CHI3L1: variants seen among roughly 807,000 people sequenced by gnomAD.
CHI3L1 encodes chitinase 3 like 1.
In CHI3L1, 30 loss-of-function variants were observed where a neutral mutation model predicts 40.7. The ratio of observed to expected loss-of-function variants is 0.74; its 90% CI spans 0.55 to 1.00. CHI3L1 has a LOEUF of 1.00. Among genes scored for constraint, CHI3L1 ranks in the 50% least tolerant of loss-of-function variants. CHI3L1 has a pLI of 0.00. For missense variants in CHI3L1, 493 were observed against 492.2 expected (o/e 1.00, Z -0.01); for synonymous variants, 210 against 192.1 (o/e 1.09, Z -0.77).
chr1:203,180,975 C>T lies in CHI3L1; in HGVS notation c.711+187G>A, dbSNP rs573199427. Among the ~76,000 whole-genome samples, 4 of 152,318 alleles carry T rather than the reference C, an allele frequency of 2.6e-5. No homozygotes were observed. The South Asian group carries it at 8.3e-4, about 32-fold the overall frequency. On this transcript the variant is annotated intron_variant, in intron 7 of 9. Coordinates refer to ENST00000255409, the MANE Select transcript of CHI3L1 (RefSeq NM_001276.4). ...CCCTGCCCTCACTCCATTTACCCTGCAGATCACCTTCCCAGAGCAACGCAG... is the reference window on the plus strand; with the variant it reads ...CCCTGCCCTCACTCCATTTACCCTGTAGATCACCTTCCCAGAGCAACGCAG...
chr1:203,180,625 GCCTCAACATGTA>G lies in CHI3L1; in HGVS notation c.727_738del (p.Tyr243_Arg246del), dbSNP rs766707810. 6 of 1,358,552 alleles carry G rather than the reference GCCTCAACATGTA, an allele frequency of 4.4e-6. No individual in the cohort carries two copies. The African/African-American group carries it at 7.4e-5, about 17-fold the overall frequency. The allele number at this position is 1,358,552 out of a possible 1,614,324, so 84.2% of individuals were successfully genotyped here. ...ACCAGCTTACTGGCAGGAGCCCCCA[GCCTCAACATGTA>G]CCCCACAGCATAGTCCTGGGTGGGG... is the stretch of plus-strand genomic sequence containing the variant. On this transcript the variant is annotated inframe_deletion, in exon 8 of 10. Coordinates refer to ENST00000255409, the MANE Select transcript of CHI3L1 (RefSeq NM_001276.4).
rs1656020371 is a variant in CHI3L1 at position 203,184,746 on chromosome 1, G to A, written c.258-114C>T. The A allele has an allele frequency of 3.6e-6, 3 of 838,242 alleles. No individual in the cohort carries two copies. The South Asian group carries it at 4.3e-5, about 12-fold the overall frequency. 51.9% of individuals were successfully genotyped at this position (838,242 alleles called of 1,614,324 possible). A position where few individuals can be genotyped will look rare whatever the true frequency, so the allele number is the denominator to read the frequency against. ...TTTCCTGCTTTGGGTGAGAGGCTGG[G>A]TTAGGCCGCTGATGTCCTCCCATAG... On this transcript the variant is annotated intron_variant, in intron 3 of 9. Coordinates refer to ENST00000255409, the MANE Select transcript of CHI3L1 (RefSeq NM_001276.4).
At chr1:203,179,965 T>C (rs1381721261) in intron 8 of CHI3L1, 88 bp from the exon 9 acceptor site, 1 of 1,205,222 alleles carries the variant, frequency 8.3e-7, no homozygotes, top group Admixed American at 1.9e-5. Context: ...AAATCTCTTT[T>C]AGCTCCTGCT....
chr1:203,179,275 A>T lies in CHI3L1; in HGVS notation c.*170T>A. The T allele has an allele frequency of 1.8e-6, 1 of 569,664 alleles. No homozygotes were observed. Among genetic ancestry groups the T allele is most frequent in the Non-Finnish European group, 3.0e-6 (1 of 329,840 alleles). 35.3% of individuals were successfully genotyped at this position (569,664 alleles called of 1,614,324 possible). A position where few individuals can be genotyped will look rare whatever the true frequency, so the allele number is the denominator to read the frequency against. Reference sequence around the variant, plus strand: ...CAGCCCCATCCCTACCTCTCTGCCCACCAGGGCTGAGCTCAAATCTGTGTG... The same window carrying T: ...CAGCCCCATCCCTACCTCTCTGCCCTCCAGGGCTGAGCTCAAATCTGTGTG... On this transcript the variant is annotated 3_prime_UTR_variant, in exon 10 of 10. Coordinates refer to ENST00000255409, the MANE Select transcript of CHI3L1 (RefSeq NM_001276.4).
intron 2 of CHI3L1, 63 bp downstream of exon 2, chr1:203,186,253 A>G: frequency 6.5e-7 from 1 of 1,536,412 alleles, no homozygotes. Context: ...GACCTCCTCC[A>G]CACCTGCCCT....
At position 203,183,627 on chromosome 1, in the gene CHI3L1, G is replaced by A. The variant is rs1279438346; in HGVS notation, c.465+14C>T. On this transcript the variant is annotated intron_variant, in intron 5 of 9. Transcript: ENST00000255409. The stretch of plus-strand genomic sequence containing the variant: ...CCTGCCCACCTCCCTCCCTGTCCCT[G>A]ACCTGACCAGCACCTTGATTAGGGT... The A allele has an allele frequency of 1.2e-6, 2 of 1,613,668 alleles. No individual in the cohort carries two copies. Among genetic ancestry groups the A allele is most frequent in the African/African-American group, 2.7e-5 (2 of 74,880 alleles).
At chr1:203,183,127 C>G (rs1655972434) in intron 5 of CHI3L1, among the ~76,000 whole-genome samples, 1 of 152,184 alleles carries the variant, frequency 6.6e-6, no homozygotes, top group Admixed American at 6.5e-5. Flanking sequence ...GTGGGTGACC[C>G]CTATTGGCCC....
Position 203,179,875 on chromosome 1 carries a change from G to A in CHI3L1, c.897C>T (p.Ile299=). The change falls in exon 9 of 10, where the codon ATC becomes ATT. Residue 299 remains isoleucine, a splice_region_variant and synonymous_variant. Transcript: ENST00000255409. ...KEAGTLAYYE[I]CDFLRGATVH... The stretch of plus-strand genomic sequence containing the variant: ...CTGTGGCTCCGCGGAGGAAGTCACA[G>A]ATCTGAGCAGATAACAGGGAAAAGG... 1 of 1,613,968 alleles carries A rather than the reference G, an allele frequency of 6.2e-7. No individual in the cohort carries two copies.
At chr1:203,180,794 C>T in intron 7 of CHI3L1, 142 bp from the exon 8 acceptor site, 2 of 644,388 alleles carry the variant, frequency 3.1e-6, no homozygotes, top group Non-Finnish European at 5.1e-6. Context: ...CGGATCATGT[C>T]ACTTTAAAGT....
At chr1:203,182,969 G>A in intron 5 of CHI3L1, 117 bp from the exon 6 acceptor site, 1 of 1,062,474 alleles carries the variant, frequency 9.4e-7, no homozygotes, top group Non-Finnish European at 1.4e-6. Context: ...ACCTGCCTGG[G>A]GCCTAGTGGA....
At chr1:203,185,508 G>T in intron 2 of CHI3L1, 123 bp from the exon 3 acceptor site, 1 of 756,790 alleles carries the variant, frequency 1.3e-6, no homozygotes, top group Non-Finnish European at 2.2e-6. Flanking sequence ...CAGATTGTGA[G>T]CAAAGTCAGA....
chr1:203,181,177 G>T lies in CHI3L1; in HGVS notation c.696C>A (p.Asp232Glu). 1.2e-6 allele frequency: 2 copies of T among 1,614,156 alleles called. No homozygotes were observed. The highest frequency in any genetic ancestry group is 1.7e-6 in the Non-Finnish European group (2 of 1,180,002). ...GGGAACTCACAGTGTTGCTGAATCT[G>T]TCAGGACTTGCATCCTCCTGACCTC... is the stretch of plus-strand genomic sequence containing the variant. ...LFRGQEDASP[D>E]RFSNTDYAVG... Residue 232 changes from aspartate (D) to glutamate (E), a missense_variant, in exon 7 of 10, where the codon GAC (aspartate) becomes GAA (glutamate). By Grantham distance (45) the Asp-to-Glu change is conservative. Coordinates refer to ENST00000255409, the MANE Select transcript of CHI3L1 (RefSeq NM_001276.4).
In CHI3L1 at chr1:203,180,479, G is replaced by T; in HGVS notation, c.885C>A (p.Ala295=). The T allele has an allele frequency of 1.3e-6, 2 of 1,586,666 alleles. No individual in the cohort carries two copies. The highest frequency in any genetic ancestry group is 1.1e-5 in the South Asian group (1 of 87,340). ...TCCCCAACTCCATTACCTCATAGTA[G>T]GCAAGGGTCCCTGCCTCCTTGGTGA... ...GRFTKEAGTL[A]YYEICDFLRG... Residue 295 remains alanine (A), a synonymous_variant, in exon 8 of 10, where the codon GCC becomes GCA. Coordinates refer to ENST00000255409, the MANE Select transcript of CHI3L1 (RefSeq NM_001276.4).
intron 5 of CHI3L1, among the ~76,000 whole-genome samples, chr1:203,183,218 T>C (rs1400631633): frequency 6.6e-6 from 1 of 152,194 alleles, no homozygotes; most frequent in Non-Finnish European, 1.5e-5. Flanking sequence ...TTAAAGTGAT[T>C]GCTGCTGGTA....
At chr1:203,179,621 C>T (rs780284642) in intron 9 of CHI3L1, 36 bp from the exon 10 acceptor site, 2 of 1,613,426 alleles carry the variant, frequency 1.2e-6, no homozygotes, top group South Asian at 2.2e-5. Context: ...GGGCTGGGTT[C>T]CCTGACCCAG....
At chr1:203,180,003 G>C in intron 8 of CHI3L1, 126 bp from the exon 9 acceptor site, 1 of 828,080 alleles carries the variant, frequency 1.2e-6, no homozygotes, top group Non-Finnish European at 1.9e-6. Flanking sequence ...TCTCTGCAGG[G>C]TCTGCAGGCT....
At position 203,181,107 on chromosome 1, in the gene CHI3L1, G is replaced by A. The variant is rs563494087; in HGVS notation, c.711+55C>T. ...TAGAGAGATTGGTGTGTGAGCACTG[G>A]CAGATGGCAGGTCTTGCGGCCCCCT... On this transcript the variant is annotated intron_variant, in intron 7 of 9. Transcript: ENST00000255409. 7.1e-5 allele frequency: 114 copies of A among 1,600,526 alleles called. No homozygotes were observed. The African/African-American group carries it at 1.3e-3, about 19-fold the overall frequency.
At chr1:203,180,435 G>A (rs747963823) in intron 8 of CHI3L1, 35 bp downstream of exon 8, 3 of 1,498,654 alleles carry the variant, frequency 2.0e-6, no homozygotes, top group Non-Finnish European at 2.7e-6. Flanking sequence ...TGCTGGTGGT[G>A]TGGGGGAATC....
At position 203,185,281 on chromosome 1, in the gene CHI3L1, T is replaced by C; in HGVS notation, c.160A>G (p.Ile54Val). The change falls in exon 3 of 10, where the codon ATC (isoleucine) becomes GTC (valine). Residue 54 changes from isoleucine (I) to valine (V), a missense_variant. Transcript: ENST00000255409. ...DALDRFLCTH[I>V]IYSFANISND... is the part of the protein sequence containing the mutation. Reference sequence around the variant, plus strand: ...CTTATATTGGCAAAGCTGTAGATGATGTGGGTACAGAGGAAGCGGTCAAGG... The same window carrying C: ...CTTATATTGGCAAAGCTGTAGATGACGTGGGTACAGAGGAAGCGGTCAAGG... The C allele has an allele frequency of 1.2e-6, 2 of 1,614,188 alleles. No individual in the cohort carries two copies. Among genetic ancestry groups the C allele is most frequent in the Non-Finnish European group, 1.7e-6 (2 of 1,180,000 alleles).
Sources: gnomAD v4.1 joint callset for allele counts (sites outside exome capture counted in the v4.1 genomes callset) on GRCh38, gnomAD v4.1.1 for gene constraint, MANE v1.5 for transcripts, NCBI Gene and HGNC (gene_info 2026-07-23, HGNC 2026-07-21) for gene names.